DDX60L: variants seen among roughly 807,000 people sequenced by gnomAD.
The protein encoded by DDX60L is probable ATP-dependent RNA helicase DDX60-like.
In DDX60L, 191 loss-of-function variants were observed where a neutral mutation model predicts 211.6. The ratio of observed to expected loss-of-function variants is 0.90; its 90% CI spans 0.80 to 1.02. The LOEUF (loss-of-function observed/expected upper bound fraction) is 1.02. Among genes scored for constraint, DDX60L ranks in the 50% least tolerant of loss-of-function variants. The pLI is 0.00. For missense variants in DDX60L, 2,007 were observed against 1,984.1 expected, an observed-to-expected ratio of 1.01 and a Z score of -0.22; for synonymous variants, 706 against 694.1, an observed-to-expected ratio of 1.02 and a Z score of -0.27.
chr4:168,455,694 C>A (rs1399805384), intron 7 of DDX60L, among the ~76,000 whole-genome samples: 1 of 152,170 alleles, frequency 6.6e-6, no homozygotes, highest in East Asian at 1.9e-4. Context: ...CAATTTGTTT[C>A]TTTTCCTCTT....
At chr4:168,458,746 T>C (rs1292988089) in intron 5 of DDX60L, among the ~76,000 whole-genome samples, 1 of 152,196 alleles carries the variant, frequency 6.6e-6, no homozygotes, top group Admixed American at 6.5e-5. Context: ...CAAACCACCA[T>C]GGCACACATT....
intron 14 of DDX60L, among the ~76,000 whole-genome samples, chr4:168,424,668 G>A (rs1751185158): frequency 6.6e-6 from 1 of 152,096 alleles, no homozygotes; most frequent in African/African-American, 2.4e-5. Context: ...GAGAAGTTGG[G>A]AGGACTCCAC....
At position 168,478,961 on chromosome 4, in the gene DDX60L, G is replaced by A. The variant is rs139538036; in HGVS notation, c.-111+1416C>T. Among the ~76,000 whole-genome samples the A allele has an allele frequency of 4.5e-3, 679 of 152,234 alleles. 1 individual carries two copies. The highest frequency in any genetic ancestry group is 7.3e-3 in the Non-Finnish European group (496 of 68,008). ...ATCAATTATGACCCAGCATACCATG[G>A]GGTATCATACAGCAATTACTAAGTA... is the stretch of plus-strand genomic sequence containing the variant. On this transcript the variant is annotated intron_variant, in intron 1 of 37. Transcript: ENST00000682922.
chr4:168,477,563 C>T (rs9999142), intron 1 of DDX60L, among the ~76,000 whole-genome samples: 47,269 of 151,910 alleles, frequency 0.31, 7,413 homozygotes, highest in South Asian at 0.4. Context: ...CATAACATAC[C>T]ACAGGTTTGT....
intron 35 of DDX60L, among the ~76,000 whole-genome samples, chr4:168,372,931 A>G (rs1741289842): frequency 6.6e-6 from 1 of 152,188 alleles, no homozygotes; most frequent in African/African-American, 2.4e-5. Context: ...TAAACTTTTA[A>G]ATAATTTAAC....
intron 10 of DDX60L, among the ~76,000 whole-genome samples, chr4:168,440,734 T>G (rs1409692907): frequency 6.6e-6 from 1 of 152,188 alleles, no homozygotes; most frequent in Admixed American, 6.5e-5. Flanking sequence ...CAGCACTCAT[T>G]AGTTCCTCCT....
rs767461447 is a variant in DDX60L, at chr4:168,454,758, C to CTTTTTTTT, written c.837+1273_837+1280dup. ...GTGCTCCCGAAGAGTAAACAGCTTCCTTTTTTTTTTTTTTTTTTTTTAGCA... is the reference window on the plus strand; with the variant it reads ...GTGCTCCCGAAGAGTAAACAGCTTCCTTTTTTTTTTTTTTTTTTTTTTTTTTTTTAGCA... On this transcript the variant is annotated intron_variant, in intron 7 of 37. Coordinates refer to ENST00000682922, the MANE Select transcript of DDX60L (RefSeq NM_001012967.3). 7.4e-4 allele frequency among the ~76,000 whole-genome samples: 66 copies of CTTTTTTTT among 88,620 alleles called. 7 individuals carry two copies. The highest frequency in any genetic ancestry group is 3.0e-3 in the African/African-American group (62 of 20,672). 58.1% of individuals were successfully genotyped at this position (88,620 alleles called of 152,430 possible).
chr4:168,422,785 T>C (rs889473693), intron 15 of DDX60L, 115 bp from the exon 16 acceptor site: 1 of 819,818 alleles, frequency 1.2e-6, no homozygotes, highest in Non-Finnish European at 1.9e-6. Context: ...CACTTTTTTT[T>C]ATTTTTTTGA....
Position 168,441,338 on chromosome 4 carries a change from T to G in DDX60L, c.1293A>C (p.Gln431His), listed in dbSNP as rs758581501. 5 of 1,604,136 alleles carry G rather than the reference T, an allele frequency of 3.1e-6. No individual in the cohort carries two copies. Among genetic ancestry groups the G allele is most frequent in the Non-Finnish European group, 4.3e-6 (5 of 1,175,626 alleles). Residue 431 changes from glutamine (Q) to histidine (H), a missense_variant and splice_region_variant, in exon 10 of 38, where the codon CAA (glutamine) becomes CAC (histidine). Gln to His is a conservative substitution (Grantham distance 24, BLOSUM62 0). Transcript: ENST00000682922. ...CACTTTAATTTACCCATTTAGTACC[T>G]TGAATGACCGATTTCTCTTGTCTAA... ...HFLRQEKSVI[Q>H]EISLEKMPSV...
At chr4:168,394,429 C>G in intron 28 of DDX60L, 36 bp downstream of exon 28, 1 of 1,542,022 alleles carries the variant, frequency 6.5e-7, no homozygotes, top group Non-Finnish European at 8.8e-7. Context: ...ATAATATGCA[C>G]AACTTTATTT....
At chr4:168,421,476 G>T (rs1234756769) in intron 17 of DDX60L, among the ~76,000 whole-genome samples, 1 of 152,148 alleles carries the variant, frequency 6.6e-6, no homozygotes, top group African/African-American at 2.4e-5. Context: ...CCAACATGGT[G>T]AAACCCTGTC....
chr4:168,395,363 T>C (rs953014737), intron 27 of DDX60L, among the ~76,000 whole-genome samples: 1 of 152,176 alleles, frequency 6.6e-6, no homozygotes, highest in Admixed American at 6.5e-5. Context: ...TATTAACGAA[T>C]AAATACATGA....
chr4:168,384,549 C>T (rs1356029117), intron 30 of DDX60L, 63 bp downstream of exon 30: 2 of 1,592,612 alleles, frequency 1.3e-6, no homozygotes, highest in African/African-American at 2.7e-5. Context: ...AAAAGAGCAG[C>T]AGACCTGACT....
At chr4:168,403,316 G>A (rs189123782) in intron 25 of DDX60L, among the ~76,000 whole-genome samples, 1 of 152,346 alleles carries the variant, frequency 6.6e-6, no homozygotes, top group Non-Finnish European at 1.5e-5. Flanking sequence ...ATGTGTTTGT[G>A]TGTTTGTCTT....
At chr4:168,361,468 G>A (rs1484963837) in intron 36 of DDX60L, 3 of 284,488 alleles carry the variant, frequency 1.1e-5, no homozygotes, top group South Asian at 8.4e-5. Context: ...AAGGGTCAAT[G>A]AGGACTACAG....
intron 34 of DDX60L, among the ~76,000 whole-genome samples, chr4:168,375,025 C>T (rs767053521): frequency 2.0e-5 from 3 of 152,136 alleles, no homozygotes; most frequent in Non-Finnish European, 2.9e-5. Flanking sequence ...AAAAAAATGC[C>T]AGAAATTATG....
At chr4:168,476,676 A>G (rs1361292554) in intron 1 of DDX60L, among the ~76,000 whole-genome samples, 2 of 152,064 alleles carry the variant, frequency 1.3e-5, no homozygotes, top group African/African-American at 2.4e-5. Flanking sequence ...AAAAAATCAT[A>G]TGCATCGGAT....
At chr4:168,369,726 A>G (rs1053236398) in intron 36 of DDX60L, among the ~76,000 whole-genome samples, 3 of 151,918 alleles carry the variant, frequency 2.0e-5, no homozygotes, top group African/African-American at 7.2e-5. Context: ...GAAACATAAC[A>G]GCAAAAAAAA....
intron 14 of DDX60L, among the ~76,000 whole-genome samples, chr4:168,425,890 G>A (rs1751378379): frequency 6.6e-6 from 1 of 152,200 alleles, no homozygotes; most frequent in African/African-American, 2.4e-5. Context: ...CAAGCCATAT[G>A]AAGACGTAAT....
Sources: allele counts gnomAD v4.1 joint callset (sites outside exome capture counted in the v4.1 genomes callset), GRCh38; gene constraint gnomAD v4.1.1; transcripts MANE v1.5; gene names NCBI Gene and HGNC (gene_info 2026-07-23, HGNC 2026-07-21).